Variants in PIP4K2A observed in about 807,000 individuals in gnomAD.
PIP4K2A encodes phosphatidylinositol-5-phosphate 4-kinase type 2 alpha, also known as phosphatidylinositol 5-phosphate 4-kinase type-2 alpha.
A neutral mutation model predicts 42.9 loss-of-function variants in PIP4K2A; 14 were observed. The ratio of observed to expected loss-of-function variants is 0.33; its 90% CI spans 0.22 to 0.51. PIP4K2A has a LOEUF of 0.51. Ranked by LOEUF, PIP4K2A falls within the 20% of genes least tolerant of loss-of-function variation. The probability of loss-of-function intolerance (pLI) is 0.97; values close to 1 mark genes in which losing one functional copy is unlikely to be tolerated. For missense variants in PIP4K2A, 434 were observed against 519.8 expected, an observed-to-expected ratio of 0.83 and a Z score of 1.61; for synonymous variants, 192 against 192.2, an observed-to-expected ratio of 1.00 and a Z score of 0.01.
intron 1 of PIP4K2A, among the ~76,000 whole-genome samples, chr10:22,696,411 T>C (rs1839974324): frequency 2.0e-5 from 3 of 152,190 alleles, no homozygotes; most frequent in East Asian, 1.9e-4. Flanking sequence ...AATAACCAAA[T>C]TGAAATGAAT....
At chr10:22,619,585 C>T (rs376237740) in intron 1 of PIP4K2A, among the ~76,000 whole-genome samples, 54 of 151,922 alleles carry the variant, frequency 3.6e-4, no homozygotes, top group South Asian at 4.2e-4. Context: ...TACAGGTGGG[C>T]GCCACCACGT....
intron 4 of PIP4K2A, among the ~76,000 whole-genome samples, chr10:22,574,059 T>A (rs1044424664): frequency 6.6e-6 from 1 of 151,964 alleles, no homozygotes; most frequent in African/African-American, 2.4e-5. Flanking sequence ...CCAAGTTAAC[T>A]GGACAAGCCC....
At chr10:22,575,327 G>C (rs1444110465) in intron 4 of PIP4K2A, among the ~76,000 whole-genome samples, 1 of 152,152 alleles carries the variant, frequency 6.6e-6, no homozygotes, top group Non-Finnish European at 1.5e-5. Context: ...ACAAGACACA[G>C]TCCCTGCCCC....
At chr10:22,669,858 G>A (rs1839416764) in intron 1 of PIP4K2A, among the ~76,000 whole-genome samples, 1 of 152,186 alleles carries the variant, frequency 6.6e-6, no homozygotes, top group Non-Finnish European at 1.5e-5. Flanking sequence ...CAGTGAAAAT[G>A]AATGACTATG....
chr10:22,563,002 G>C (rs1169905257), intron 6 of PIP4K2A, among the ~76,000 whole-genome samples: 1 of 152,154 alleles, frequency 6.6e-6, no homozygotes, highest in Non-Finnish European at 1.5e-5. Flanking sequence ...AGGAGAAAAG[G>C]AAATGGTGGA....
chr10:22,565,887 T>TA (rs1311470022), intron 6 of PIP4K2A, among the ~76,000 whole-genome samples: 1 of 151,994 alleles, frequency 6.6e-6, no homozygotes, highest in African/African-American at 2.4e-5. Context: ...GGAGATGAAA[T>TA]AGACTTCAGT....
chr10:22,641,618 T>A (rs750913), intron 1 of PIP4K2A, among the ~76,000 whole-genome samples: 37,475 of 149,248 alleles, frequency 0.25, 4,988 homozygotes, highest in Non-Finnish European at 0.31. Context: ...GGTTTTTTTT[T>A]AAAAAAAAAA....
At chr10:22,696,278 G>A (rs903576352) in intron 1 of PIP4K2A, among the ~76,000 whole-genome samples, 5 of 152,118 alleles carry the variant, frequency 3.3e-5, no homozygotes, top group Non-Finnish European at 7.4e-5. Context: ...GTTTTTGTAG[G>A]AAACACAGGC....
intron 4 of PIP4K2A, among the ~76,000 whole-genome samples, chr10:22,589,489 T>G (rs1457784483): frequency 1.3e-5 from 2 of 152,162 alleles, no homozygotes; most frequent in Admixed American, 1.3e-4. Context: ...TTAAATGAAT[T>G]TAGAGGCTAA....
At chr10:22,643,984 T>C (rs1838831306) in intron 1 of PIP4K2A, among the ~76,000 whole-genome samples, 1 of 152,106 alleles carries the variant, frequency 6.6e-6, no homozygotes, top group Non-Finnish European at 1.5e-5. Context: ...CTCTCAGTTT[T>C]TAAAACATTT....
At chr10:22,659,566 A>G (rs1839163497) in intron 1 of PIP4K2A, 1 of 152,304 alleles carries the variant, frequency 6.6e-6, no homozygotes, top group Admixed American at 6.5e-5. Flanking sequence ...GTCTGGGGTC[A>G]TTGAGACATT....
intron 7 of PIP4K2A, among the ~76,000 whole-genome samples, chr10:22,550,029 A>G (rs1403962159): frequency 6.6e-6 from 1 of 152,174 alleles, no homozygotes; most frequent in Non-Finnish European, 1.5e-5. Flanking sequence ...GTTTAAAAGC[A>G]AAACTCCATC....
At chr10:22,614,309 G>A (rs1227113093) in intron 1 of PIP4K2A, among the ~76,000 whole-genome samples, 4 of 152,158 alleles carry the variant, frequency 2.6e-5, no homozygotes, top group Admixed American at 1.3e-4. Context: ...AGAGAATTTC[G>A]GAGATCATAT....
chr10:22,631,373 A>G (rs1422334939), intron 1 of PIP4K2A, among the ~76,000 whole-genome samples: 4 of 152,094 alleles, frequency 2.6e-5, no homozygotes, highest in African/African-American at 9.7e-5. Context: ...CCTTTTAAGT[A>G]CAGACACCAA....
chr10:22,600,523 A>C (rs2041184352), intron 3 of PIP4K2A, among the ~76,000 whole-genome samples: 3 of 152,160 alleles, frequency 2.0e-5, no homozygotes, highest in Admixed American at 2.0e-4. Flanking sequence ...CAGTCACTGA[A>C]GATCCAAGAC....
chr10:22,539,711 G>C lies in PIP4K2A; in HGVS notation c.1140+260C>G, dbSNP rs979279216. Reference sequence around the variant, plus strand: ...GTGACTTCGCTGGAAGCCACAGGGAGCTGTGGTAAGAGCAGCAGTGAGCAG... The same window carrying C: ...GTGACTTCGCTGGAAGCCACAGGGACCTGTGGTAAGAGCAGCAGTGAGCAG... On this transcript the variant is annotated intron_variant, in intron 9 of 9. Transcript: ENST00000376573. 7.5e-6 allele frequency: 3 copies of C among 402,388 alleles called. No homozygotes were observed. The Admixed American group carries it at 1.2e-4, about 16-fold the overall frequency. The allele number at this position is 402,388 out of a possible 1,614,324, so 24.9% of individuals were successfully genotyped here. A position where few individuals can be genotyped will look rare whatever the true frequency, so the allele number is the denominator to read the frequency against.
At chr10:22,540,224 C>T (rs1211129129) in intron 8 of PIP4K2A, 150 bp from the exon 9 acceptor site, 1 of 629,184 alleles carries the variant, frequency 1.6e-6, no homozygotes, top group African/African-American at 1.8e-5. Flanking sequence ...AACTCTACAC[C>T]ACCCCTGCGG....
chr10:22,627,588 T>TAAAAAAAAAAAAAAAAAAA (rs1564448260), intron 1 of PIP4K2A, among the ~76,000 whole-genome samples: 11 of 38,922 alleles, frequency 2.8e-4, no homozygotes, highest in Non-Finnish European at 5.0e-4. Context: ...AGCTAATATG[T>TAAAAAAAAAAAAAAAAAAA]AATAAAAAAA....
In PIP4K2A at chr10:22,660,339, C is replaced by G. The variant is rs764512181; in HGVS notation, c.145-50622G>C. Among the ~76,000 whole-genome samples, 95 of 152,158 alleles carry G rather than the reference C, an allele frequency of 6.2e-4. 1 individual carries two copies. Among genetic ancestry groups the G allele is most frequent in the Middle Eastern group, 3.4e-3 (1 of 294 alleles). On this transcript the variant is annotated intron_variant, in intron 1 of 9. Coordinates refer to ENST00000376573, the MANE Select transcript of PIP4K2A (RefSeq NM_005028.5). The stretch of plus-strand genomic sequence containing the variant: ...ATAAAAAATTAGCCGGGTGTGGAAG[C>G]GCGTGCCTGTAATCCCAGCTACTTG...
Sources: gnomAD v4.1 joint callset for allele counts (sites outside exome capture counted in the v4.1 genomes callset) on GRCh38, gnomAD v4.1.1 for gene constraint, MANE v1.5 for transcripts, NCBI Gene and HGNC (gene_info 2026-07-23, HGNC 2026-07-21) for gene names.